Variants in DIPK2A observed in about 807,000 individuals in gnomAD.
DIPK2A encodes divergent protein kinase domain 2A.
Under a neutral mutation model 39.0 loss-of-function variants are expected in DIPK2A, and 27 were observed. That is an observed-to-expected ratio of 0.69 (90% CI 0.51 to 0.96). The LOEUF (loss-of-function observed/expected upper bound fraction) is 0.96, where lower values mean the gene tolerates loss of function less well. Ranked by LOEUF, DIPK2A falls within the 40% of genes least tolerant of loss-of-function variation. The pLI is 0.00. For synonymous variants in DIPK2A, 298 were observed against 240.8 expected, an observed-to-expected ratio of 1.24 and a Z score of -2.20; for missense variants, 528 against 571.3, an observed-to-expected ratio of 0.92 and a Z score of 0.77.
At chr3:143,975,562 G>A (rs1429468043) in intron 1 of DIPK2A, among the ~76,000 whole-genome samples, 3 of 152,028 alleles carry the variant, frequency 2.0e-5, no homozygotes, top group Non-Finnish European at 4.4e-5. Flanking sequence ...ACCTTTGTTA[G>A]CTAGGAAACT....
chr3:143,972,861 G>T lies in DIPK2A; in HGVS notation c.529G>T (p.Asp177Tyr), dbSNP rs577478830. Reference protein sequence around the residue: ...LVHCPSQRLLDRLVRRYAETK... With the variant: ...LVHCPSQRLLYRLVRRYAETK... ...GCACTGCCCCTCGCAGCGCCTTCTCGACCGCCTGGTGCGCCGCTACGCGGA... is the reference window on the plus strand; with the variant it reads ...GCACTGCCCCTCGCAGCGCCTTCTCTACCGCCTGGTGCGCCGCTACGCGGA... The change falls in exon 1 of 3, where the codon GAC (aspartate) becomes TAC (tyrosine). Residue 177 changes from aspartate to tyrosine, a missense_variant. Around this residue, in one of 2 missense-constraint regions of DIPK2A, gnomAD observed 309 missense variants for 289.8 expected, o/e 1.07. Coordinates refer to ENST00000315691, the MANE Select transcript of DIPK2A (RefSeq NM_173552.5). The T allele has an allele frequency of 7.6e-6, 12 of 1,571,984 alleles. No individual in the cohort carries two copies. Among genetic ancestry groups the T allele is most frequent in the Non-Finnish European group, 1.0e-5 (12 of 1,161,308 alleles).
rs142460047 is a variant in DIPK2A at position 143,977,755 on chromosome 3, A to G, written c.657+4766A>G. ...TTTGTGGCTTTTCATCTGAGAGTCCATTGACACTTTTGATTGCTCTTCAAG... is the reference window on the plus strand; with the variant it reads ...TTTGTGGCTTTTCATCTGAGAGTCCGTTGACACTTTTGATTGCTCTTCAAG... On this transcript the variant is annotated intron_variant, in intron 1 of 2. Coordinates refer to ENST00000315691, the MANE Select transcript of DIPK2A (RefSeq NM_173552.5). 3.4e-4 allele frequency among the ~76,000 whole-genome samples: 51 copies of G among 152,202 alleles called. No individual in the cohort carries two copies. The East Asian group carries it at 9.1e-3, about 27-fold the overall frequency.
chr3:143,988,066 A>G lies in DIPK2A; in HGVS notation c.962-1444A>G, dbSNP rs191940492. Among the ~76,000 whole-genome samples, 76 of 151,596 alleles carry G rather than the reference A, an allele frequency of 5.0e-4. No individual in the cohort carries two copies. The East Asian group carries it at 9.7e-3, about 19-fold the overall frequency. On this transcript the variant is annotated intron_variant, in intron 2 of 2. Transcript: ENST00000315691. ...CCAAACACCTTAAAGCCAGGGCATA[A>G]TCTGTAATCTGTGTGACTTGGCCCT... is the stretch of plus-strand genomic sequence containing the variant.
chr3:143,974,761 G>T (rs1280667843), intron 1 of DIPK2A, among the ~76,000 whole-genome samples: 2 of 152,020 alleles, frequency 1.3e-5, no homozygotes, highest in East Asian at 3.8e-4. Flanking sequence ...CAGTAGAATT[G>T]ATATTTTAAG....
At chr3:143,977,664 A>G (rs2087750060) in intron 1 of DIPK2A, among the ~76,000 whole-genome samples, 1 of 152,120 alleles carries the variant, frequency 6.6e-6, no homozygotes, top group African/African-American at 2.4e-5. Flanking sequence ...CGGCTTCAGA[A>G]CACATTAGAG....
In DIPK2A at chr3:143,990,265, G is replaced by A. The variant is rs543997947; in HGVS notation, c.*424G>A. On this transcript the variant is annotated 3_prime_UTR_variant, in exon 3 of 3. Coordinates refer to ENST00000315691, the MANE Select transcript of DIPK2A (RefSeq NM_173552.5). ...GTCAGATTGGTCTGTTTTATAGGCC[G>A]CTTTTTCCTTCTGATGTGTAGGGTT... 11 of 152,454 alleles carry A rather than the reference G, an allele frequency of 7.2e-5. No homozygotes were observed. Among genetic ancestry groups the A allele is most frequent in the South Asian group, 6.2e-4 (3 of 4,844 alleles). The allele number at this position is 152,454 out of a possible 1,614,324, so 9.4% of individuals were successfully genotyped here.
At position 143,976,510 on chromosome 3, in the gene DIPK2A, A is replaced by G. The variant is rs184676107; in HGVS notation, c.657+3521A>G. Among the ~76,000 whole-genome samples the G allele has an allele frequency of 3.1e-4, 46 of 150,470 alleles. No individual in the cohort carries two copies. In the East Asian group the frequency reaches 4.9e-3, roughly 16 times the overall value. On this transcript the variant is annotated intron_variant, in intron 1 of 2. Coordinates refer to ENST00000315691, the MANE Select transcript of DIPK2A (RefSeq NM_173552.5). ...TTTCCATCGTATTTGTATTTAACCT[A>G]TTGAATTTACAGAAAGGGAGAGTGT...
Position 143,972,073 on chromosome 3 carries a change from C to T in DIPK2A, c.-260C>T, listed in dbSNP as rs982668242. ...TTGGCTGGCGTGGAGGAGGCGCCGC[C>T]GGAGTCGGAGGGCGGGGAGCTAGGA... is the stretch of plus-strand genomic sequence containing the variant. On this transcript the variant is annotated 5_prime_UTR_variant, in exon 1 of 3. Transcript: ENST00000315691. The T allele has an allele frequency of 6.8e-5, 26 of 380,346 alleles. No homozygotes were observed. The highest frequency in any genetic ancestry group is 3.5e-4 in the African/African-American group (17 of 48,150). 23.6% of individuals were successfully genotyped at this position (380,346 alleles called of 1,614,324 possible).
At chr3:143,989,427 A>T in intron 2 of DIPK2A, 83 bp from the exon 3 acceptor site, 1 of 758,056 alleles carries the variant, frequency 1.3e-6, no homozygotes, top group Non-Finnish European at 2.1e-6. Flanking sequence ...AAATACTATT[A>T]ATTAGTGAAA....
chr3:143,983,976 G>A (rs762376040), intron 1 of DIPK2A, among the ~76,000 whole-genome samples: 14 of 152,166 alleles, frequency 9.2e-5, no homozygotes, highest in Non-Finnish European at 2.1e-4. Flanking sequence ...AATTTGCTAT[G>A]GTTTCTGTAT....
rs1194619983 is a variant in DIPK2A, at chr3:143,972,202, C to T, written c.-131C>T. 3.8e-6 allele frequency: 3 copies of T among 790,674 alleles called. No homozygotes were observed. Among genetic ancestry groups the T allele is most frequent in the Admixed American group, 4.0e-5 (1 of 24,868 alleles). 49.0% of individuals were successfully genotyped at this position (790,674 alleles called of 1,614,324 possible). On this transcript the variant is annotated 5_prime_UTR_variant, in exon 1 of 3. Transcript: ENST00000315691. ...GTCTTCCTCTCTCACACACCTACTC[C>T]GCCCTCCGCCCCAGCCCGCGCGCTA...
chr3:143,973,245 C>A, intron 1 of DIPK2A: 1 of 1,175,140 alleles, frequency 8.5e-7, no homozygotes, highest in Non-Finnish European at 1.2e-6. Flanking sequence ...GATCTTTCAA[C>A]GCCAGAGGGA....
intron 1 of DIPK2A, among the ~76,000 whole-genome samples, chr3:143,984,744 C>G (rs2087874972): frequency 6.6e-6 from 1 of 151,806 alleles, no homozygotes; most frequent in South Asian, 2.1e-4. Context: ...ATTAGAAAAC[C>G]TTGCTAAGAT....
chr3:143,973,709 ATC>A, intron 1 of DIPK2A: 1 of 642,696 alleles, frequency 1.6e-6, no homozygotes, highest in Non-Finnish European at 2.8e-6. Flanking sequence ...TCATCTGGTA[ATC>A]TAGTTGAAGG....
intron 2 of DIPK2A, among the ~76,000 whole-genome samples, chr3:143,988,943 C>T (rs1181284760): frequency 6.6e-6 from 1 of 152,148 alleles, no homozygotes; most frequent in Admixed American, 6.5e-5. Context: ...AAATTATGGT[C>T]GTGATTACAC....
intron 2 of DIPK2A, among the ~76,000 whole-genome samples, chr3:143,987,582 A>G (rs1161224085): frequency 1.3e-5 from 2 of 152,008 alleles, no homozygotes; most frequent in Non-Finnish European, 2.9e-5. Context: ...TGCTGTGGCA[A>G]CTCCCCCAGT....
intron 1 of DIPK2A, among the ~76,000 whole-genome samples, chr3:143,974,509 C>A (rs2087703264): frequency 2.0e-5 from 3 of 152,210 alleles, no homozygotes; most frequent in Admixed American, 2.0e-4. Context: ...TACACTTGAA[C>A]TGAAGTTTCT....
intron 1 of DIPK2A, among the ~76,000 whole-genome samples, chr3:143,982,038 T>C (rs1470628326): frequency 1.3e-5 from 2 of 152,242 alleles, no homozygotes; most frequent in African/African-American, 2.4e-5. Context: ...TTTGTGCTTA[T>C]CAGTAATAAA....
chr3:143,985,817 T>A lies in DIPK2A; in HGVS notation c.932T>A (p.Leu311Ter). 1 of 1,613,246 alleles carries A rather than the reference T, an allele frequency of 6.2e-7. No homozygotes were observed. The highest frequency in any genetic ancestry group is 8.5e-7 in the Non-Finnish European group (1 of 1,179,480). Residue 311 changes from leucine (L) to a stop codon, truncating the protein, a stop_gained, in exon 2 of 3, where the codon TTG (leucine) becomes TAG (stop). Coordinates refer to ENST00000315691, the MANE Select transcript of DIPK2A (RefSeq NM_173552.5). LOFTEE classifies it high-confidence loss of function. ...KVIIVDAENV[L>*]VADKRLIRQN... Reference sequence around the variant, plus strand: ...ATCATTGTGGATGCTGAAAATGTTTTGGTTGCTGACAAAAGATTAATTAGA... The same window carrying A: ...ATCATTGTGGATGCTGAAAATGTTTAGGTTGCTGACAAAAGATTAATTAGA...
Sources: gnomAD v4.1 joint callset for allele counts (sites outside exome capture counted in the v4.1 genomes callset) on GRCh38, gnomAD v4.1.1 for gene constraint, gnomAD v4.1.1 regional missense constraint, MANE v1.5 for transcripts, NCBI Gene and HGNC (gene_info 2026-07-23, HGNC 2026-07-21) for gene names.